PREPL: variants seen among roughly 807,000 people sequenced by gnomAD.
The protein encoded by PREPL is prolyl endopeptidase-like.
In PREPL, 77 loss-of-function variants were observed where a neutral mutation model predicts 70.6. The ratio of observed to expected loss-of-function variants is 1.09; its 90% CI spans 0.91 to 1.32. The LOEUF is 1.32. Ranked by LOEUF, PREPL falls within the 40% of genes most tolerant of loss-of-function variation. PREPL has a pLI of 0.00. For missense variants in PREPL, 1,002 were observed against 778.2 expected (o/e 1.29, Z -3.42); for synonymous variants, 315 against 264.8 (o/e 1.19, Z -1.84).
At chr2:44,361,817 G>A (rs759421913), upstream of PREPL, 3 of 1,127,130 alleles carry the variant, frequency 2.7e-6, no homozygotes, top group Non-Finnish European at 2.3e-6. Context: ...GTGCAATGGC[G>A]TGACAGCTCG....
chr2:44,338,260 C>T, intron 7 of PREPL, 91 bp downstream of exon 7: 3 of 1,198,074 alleles, frequency 2.5e-6, no homozygotes, highest in Non-Finnish European at 3.5e-6. Context: ...AAAAAGAACA[C>T]TGCTGCCACT....
rs756525290 is a variant in PREPL, at chr2:44,332,667, A to T, written c.889-11T>A. 9 of 1,585,832 alleles carry T rather than the reference A, an allele frequency of 5.7e-6. No individual in the cohort carries two copies. The highest frequency in any genetic ancestry group is 5.4e-5 in the Admixed American group (3 of 55,678). Reference sequence around the variant, plus strand: ...GGCCCAAGGAGGGAGCTAAAGAAATACAACAGCTATTTTTATTCTTTATTT... The same window carrying T: ...GGCCCAAGGAGGGAGCTAAAGAAATTCAACAGCTATTTTTATTCTTTATTT... On this transcript the variant is annotated splice_polypyrimidine_tract_variant and intron_variant, in intron 7 of 13. Coordinates refer to ENST00000409411, the MANE Select transcript of PREPL (RefSeq NM_001171613.2).
intron 5 of PREPL, 113 bp downstream of exon 5, chr2:44,342,304 C>T: frequency 1.1e-6 from 1 of 945,590 alleles, no homozygotes; most frequent in Non-Finnish European, 1.5e-6. Context: ...TCGTTTTAGC[C>T]TTATTATTCC....
intron 8 of PREPL, 78 bp downstream of exon 8, chr2:44,332,381 C>T: frequency 3.9e-6 from 5 of 1,289,994 alleles, no homozygotes; most frequent in Non-Finnish European, 5.5e-6. Flanking sequence ...GCTAATGTAA[C>T]TCCAACAACT....
intron 1 of PREPL, among the ~76,000 whole-genome samples, chr2:44,357,426 G>A (rs1422160250): frequency 6.6e-6 from 1 of 152,188 alleles, no homozygotes; most frequent in Non-Finnish European, 1.5e-5. Context: ...AGCTTCCCCA[G>A]GTCTCAGTGA....
At chr2:44,339,054 TA>T (rs1257032185) in intron 6 of PREPL, 92 bp downstream of exon 6, 1 of 1,527,690 alleles carries the variant, frequency 6.5e-7, no homozygotes, top group Non-Finnish European at 8.8e-7. Context: ...CATCAATTTA[TA>T]AAACAATGAG....
chr2:44,350,127 T>C lies in PREPL; in HGVS notation c.-48-3737A>G, dbSNP rs531868832. ...TAACCTTGACATCAAAATTAGACAA[T>C]GATGATATGAGACAATTAAAAAAAT... On this transcript the variant is annotated intron_variant, in intron 1 of 13. Transcript: ENST00000409411. Among the ~76,000 whole-genome samples, 5 of 152,230 alleles carry C rather than the reference T, an allele frequency of 3.3e-5. No individual in the cohort carries two copies. In the South Asian group the frequency reaches 1.0e-3, roughly 32 times the overall value.
In PREPL at chr2:44,339,204, T is replaced by C; in HGVS notation, c.645A>G (p.Glu215=). The C allele has an allele frequency of 1.2e-6, 2 of 1,614,078 alleles. No individual in the cohort carries two copies. The highest frequency in any genetic ancestry group is 1.7e-6 in the Non-Finnish European group (2 of 1,179,964). ...GAATGTATAATTCATCATCTCTGTG[T>C]TCAACATAGTAAAGGACCCCATGTA... The part of the protein sequence containing the change: ...KRIHGVLYYV[E]HRDDELYILT... Residue 215 remains glutamate, a synonymous_variant, in exon 6 of 14, where the codon GAA becomes GAG. Coordinates refer to ENST00000409411, the MANE Select transcript of PREPL (RefSeq NM_001171613.2).
In PREPL at chr2:44,320,310, AG is replaced by A; in HGVS notation, c.*1045del. 1 of 1,614,138 alleles carries A rather than the reference AG, an allele frequency of 6.2e-7. No individual in the cohort carries two copies. Among genetic ancestry groups the A allele is most frequent in the Non-Finnish European group, 8.5e-7 (1 of 1,179,964 alleles). On this transcript the variant is annotated 3_prime_UTR_variant, in exon 14 of 14. Coordinates refer to ENST00000409411, the MANE Select transcript of PREPL (RefSeq NM_001171613.2). ...CTGGTTTTGCCATTTGAGGAATGAC[AG>A]CCACTATGTTGTGTACACAAGAGAG...
chr2:44,346,319 TCTCA>T lies in PREPL; in HGVS notation c.20_23del (p.Val7GlufsTer4). On this transcript the variant is annotated frameshift_variant, in exon 2 of 14. Transcript: ENST00000409411. LOFTEE classifies it high-confidence loss of function. ...CTTGTGGCTGTGTTTCTAATTTTGT[TCTCA>T]CTTTTTCAAATGCATCCATGTTTTC... is the stretch of plus-strand genomic sequence containing the variant. The T allele has an allele frequency of 1.2e-6, 2 of 1,612,458 alleles. No individual in the cohort carries two copies. Among genetic ancestry groups the T allele is most frequent in the Non-Finnish European group, 1.7e-6 (2 of 1,178,864 alleles).
intron 10 of PREPL, among the ~76,000 whole-genome samples, chr2:44,325,420 C>G (rs1673398730): frequency 6.6e-6 from 1 of 152,210 alleles, no homozygotes; most frequent in African/African-American, 2.4e-5. Flanking sequence ...TCTGAAGCCT[C>G]TAACACTGGT....
rs568289242 is a variant in PREPL, at chr2:44,317,762, T to G, written c.*3594A>C. The stretch of plus-strand genomic sequence containing the variant: ...TTATACAGTCAATCCAACAAAAAGC[T>G]TAATAGAAAAAAACCCTAAACAATA... On this transcript the variant is annotated 3_prime_UTR_variant, in exon 14 of 14. Transcript: ENST00000409411. 1 of 152,224 alleles carries G rather than the reference T, an allele frequency of 6.6e-6. No individual in the cohort carries two copies. Among genetic ancestry groups the G allele is most frequent in the South Asian group, 2.1e-4 (1 of 4,810 alleles). 9.4% of individuals were successfully genotyped at this position (152,224 alleles called of 1,614,324 possible).
chr2:44,336,059 T>C (rs1051726464), intron 7 of PREPL, among the ~76,000 whole-genome samples: 3 of 152,162 alleles, frequency 2.0e-5, no homozygotes, highest in African/African-American at 7.2e-5. Flanking sequence ...ATATAACAGA[T>C]GCTGGTGAGG....
intron 1 of PREPL, among the ~76,000 whole-genome samples, chr2:44,351,552 C>G (rs1386071304): frequency 6.6e-6 from 1 of 151,252 alleles, no homozygotes; most frequent in African/African-American, 2.4e-5. Flanking sequence ...TCCAGGCAAT[C>G]TTTCCAATTT....
In PREPL at chr2:44,326,428, C is replaced by T. The variant is rs57164078; in HGVS notation, c.1479+284G>A. Among the ~76,000 whole-genome samples the T allele has an allele frequency of 5.9e-3, 838 of 143,222 alleles. 36 individuals carry two copies. The East Asian group carries it at 0.088, about 15-fold the overall frequency. 94.0% of individuals were successfully genotyped at this position (143,222 alleles called of 152,430 possible). On this transcript the variant is annotated intron_variant, in intron 10 of 13. Coordinates refer to ENST00000409411, the MANE Select transcript of PREPL (RefSeq NM_001171613.2). ...ACAATGTCTCACTCTGTTGCCCAGG[C>T]TGGAGCACAGTGGTCCACTGCAGCC...
rs1007373599 is a variant in PREPL at position 44,320,997 on chromosome 2, T to G, written c.*359A>C. Reference sequence around the variant, plus strand: ...TAGAGGATGACTCACTGCCACAGTGTCTAAAAGCATTTGCTAGCAAAGAGG... The same window carrying G: ...TAGAGGATGACTCACTGCCACAGTGGCTAAAAGCATTTGCTAGCAAAGAGG... On this transcript the variant is annotated 3_prime_UTR_variant, in exon 14 of 14. Coordinates refer to ENST00000409411, the MANE Select transcript of PREPL (RefSeq NM_001171613.2). 1.8e-5 allele frequency: 7 copies of G among 387,726 alleles called. No individual in the cohort carries two copies. Among genetic ancestry groups the G allele is most frequent in the Non-Finnish European group, 3.3e-5 (7 of 211,184 alleles). 24.0% of individuals were successfully genotyped at this position (387,726 alleles called of 1,614,324 possible). A position where few individuals can be genotyped will look rare whatever the true frequency, so the allele number is the denominator to read the frequency against.
rs764182018 is a variant in PREPL, at chr2:44,326,717, A to G, written c.1474T>C (p.Leu492=). 1.9e-6 allele frequency: 3 copies of G among 1,612,922 alleles called. No individual in the cohort carries two copies. Among genetic ancestry groups the G allele is most frequent in the South Asian group, 2.2e-5 (2 of 91,030 alleles). The change falls in exon 10 of 14, where the codon TTG becomes CTG. Residue 492 remains leucine, a synonymous_variant. Coordinates refer to ENST00000409411, the MANE Select transcript of PREPL (RefSeq NM_001171613.2). The part of the protein sequence containing the change: ...SNPELVRAVT[L]EAPFLDVLNT... ...TAGAGACAGAGCGTACTCACCTCCAAAGTCACCGCTCTCACCAGCTCTGGA... is the reference window on the plus strand; with the variant it reads ...TAGAGACAGAGCGTACTCACCTCCAGAGTCACCGCTCTCACCAGCTCTGGA...
chr2:44,356,221 C>G (rs147588954), intron 1 of PREPL: 5 of 152,220 alleles, frequency 3.3e-5, no homozygotes, highest in African/African-American at 1.2e-4. Flanking sequence ...GTTGTGAGTT[C>G]CAGAATTACC....
intron 1 of PREPL, chr2:44,359,730 T>C: frequency 1.9e-6 from 3 of 1,548,654 alleles, no homozygotes; most frequent in African/African-American, 1.4e-5. Context: ...TCAAAGTCCC[T>C]GGTTTATGCT....
Sources: allele counts gnomAD v4.1 joint callset (sites outside exome capture counted in the v4.1 genomes callset), GRCh38; gene constraint gnomAD v4.1.1; transcripts MANE v1.5; gene names NCBI Gene and HGNC (gene_info 2026-07-23, HGNC 2026-07-21).